Variants in PBRM1 observed in about 807,000 individuals in gnomAD.
PBRM1 encodes the protein protein polybromo-1.
In PBRM1, 27 loss-of-function variants were observed where a neutral mutation model predicts 194.5. The ratio of observed to expected loss-of-function variants is 0.14; its 90% CI spans 0.10 to 0.19. The LOEUF (loss-of-function observed/expected upper bound fraction) is 0.19. PBRM1 is among the 10% of genes least tolerant of loss of function. PBRM1 has a pLI of 1.00. For synonymous variants in PBRM1, 655 were observed against 693.2 expected (o/e 0.94, Z 0.87); for missense variants, 1,466 against 2,077.2 (o/e 0.71, Z 5.72).
At chr3:52,562,094 G>T in intron 24 of PBRM1, 126 bp from the exon 27 acceptor site, 1 of 696,906 alleles carries the variant, frequency 1.4e-6, no homozygotes, top group Non-Finnish European at 2.6e-6. Context: ...GGCCGAGACA[G>T]GTGGATCACA....
intron 27 of PBRM1, among the ~76,000 whole-genome samples, chr3:52,551,120 T>C (rs2080874168): frequency 6.6e-6 from 1 of 152,232 alleles, no homozygotes. Flanking sequence ...AGAATATACC[T>C]CTACATTCAA....
chr3:52,570,553 T>A (rs1234576279), intron 22 of PBRM1, among the ~76,000 whole-genome samples: 1 of 152,226 alleles, frequency 6.6e-6, no homozygotes, highest in East Asian at 1.9e-4. Flanking sequence ...TAAAAGTGAT[T>A]GGTGGCTTTG....
intron 17 of PBRM1, among the ~76,000 whole-genome samples, chr3:52,590,460 G>GA (rs796795493): frequency 0.042 from 5,778 of 137,948 alleles, 371 homozygotes; most frequent in African/African-American, 0.14. Context: ...CATTTCAAAA[G>GA]AAAAAAAAAA....
chr3:52,669,588 A>G (rs1039350164), intron 2 of PBRM1, among the ~76,000 whole-genome samples: 1 of 152,150 alleles, frequency 6.6e-6, no homozygotes, highest in Non-Finnish European at 1.5e-5. Context: ...TGTGTAAGAG[A>G]TAAGTTATTA....
chr3:52,640,468 G>C (rs2096029302), intron 10 of PBRM1, among the ~76,000 whole-genome samples: 1 of 151,730 alleles, frequency 6.6e-6, no homozygotes, highest in African/African-American at 2.4e-5. Flanking sequence ...ACAGCGTTTT[G>C]CCATGTTGCC....
intron 18 of PBRM1, among the ~76,000 whole-genome samples, chr3:52,588,380 T>A (rs1015883849): frequency 1.3e-5 from 2 of 151,428 alleles, no homozygotes; most frequent in African/African-American, 4.9e-5. Flanking sequence ...TATAATAATT[T>A]CTTTTTTGAT....
At chr3:52,663,115 T>C (rs1467194920) in intron 3 of PBRM1, among the ~76,000 whole-genome samples, 1 of 152,042 alleles carries the variant, frequency 6.6e-6, no homozygotes, top group Non-Finnish European at 1.5e-5. Context: ...GGGATGCCAA[T>C]AGGAAGTAAG....
intron 10 of PBRM1, among the ~76,000 whole-genome samples, chr3:52,636,654 G>C (rs1349341463): frequency 6.7e-6 from 1 of 149,004 alleles, no homozygotes; most frequent in Non-Finnish European, 1.5e-5. Context: ...CTACTCGGGA[G>C]GCTGAGGCAG....
At chr3:52,582,013 T>A (rs1418020789) in intron 20 of PBRM1, among the ~76,000 whole-genome samples, 2 of 151,668 alleles carry the variant, frequency 1.3e-5, no homozygotes, top group African/African-American at 4.8e-5. Context: ...GAAGGTGAGG[T>A]GGGTGGGTCA....
At chr3:52,586,525 C>T (rs141958485) in exon 20 of PBRM1, 2 of 1,613,854 alleles carry the variant, frequency 1.2e-6, no homozygotes, top group Non-Finnish European at 1.7e-6. Flanking sequence ...AGAGGCCACG[C>T]GAACCACAGG....
At chr3:52,547,875 A>T (rs1265818565), downstream of PBRM1, 1 of 496,764 alleles carries the variant, frequency 2.0e-6, no homozygotes, top group Non-Finnish European at 3.5e-6. Flanking sequence ...TGATAAAGTC[A>T]ACTTAATATA....
Position 52,619,038 on chromosome 3 carries a change from C to T in PBRM1, c.1542-1500G>A, listed in dbSNP as rs139674729. 2.4e-4 allele frequency among the ~76,000 whole-genome samples: 37 copies of T among 152,050 alleles called. No individual in the cohort carries two copies. In the Middle Eastern group the frequency reaches 0.01, roughly 42 times the overall value. ...TGCTGGGATTACAGACTTGAGCCAT[C>T]GGGCTCGGCTGTGCCCGGCTAATTT... On this transcript the variant is annotated intron_variant, in intron 13 of 29. Coordinates refer to ENST00000296302, the Ensembl canonical transcript of PBRM1.
chr3:52,611,201 C>T (rs1046523605), intron 15 of PBRM1, among the ~76,000 whole-genome samples: 1 of 152,140 alleles, frequency 6.6e-6, no homozygotes, highest in African/African-American at 2.4e-5. Context: ...AAAAAAAACA[C>T]TGTACCACTG....
chr3:52,663,312 T>C (rs774860432), intron 3 of PBRM1, among the ~76,000 whole-genome samples: 3 of 152,196 alleles, frequency 2.0e-5, no homozygotes, highest in African/African-American at 2.4e-5. Flanking sequence ...CCAAAGGCCA[T>C]GGCTGCACCA....
exon 25 of PBRM1, chr3:52,561,767 C>T (rs758454919): frequency 6.2e-7 from 1 of 1,613,448 alleles, no homozygotes; most frequent in Non-Finnish European, 8.5e-7. Flanking sequence ...CTCTATTTAC[C>T]TTCATATTCT....
intron 20 of PBRM1, among the ~76,000 whole-genome samples, chr3:52,583,185 G>A (rs1446680765): frequency 1.3e-5 from 2 of 151,330 alleles, no homozygotes; most frequent in East Asian, 1.9e-4. Flanking sequence ...CGAGGCAGGC[G>A]GATCATCAGA....
chr3:52,645,355 G>A (rs947395424), intron 7 of PBRM1, among the ~76,000 whole-genome samples: 1 of 149,694 alleles, frequency 6.7e-6, no homozygotes, highest in African/African-American at 2.5e-5. Context: ...TGGAGACAGA[G>A]TCTTACCATG....
At chr3:52,576,339 C>T (rs1050870331) in intron 22 of PBRM1, among the ~76,000 whole-genome samples, 1 of 152,010 alleles carries the variant, frequency 6.6e-6, no homozygotes, top group South Asian at 2.1e-4. Flanking sequence ...TTTGGTTGTG[C>T]CCTAATTACC....
chr3:52,630,371 A>G (rs1167712902), intron 11 of PBRM1, among the ~76,000 whole-genome samples: 2 of 152,186 alleles, frequency 1.3e-5, no homozygotes, highest in African/African-American at 4.8e-5. Context: ...TACACTGTAC[A>G]ATATAGTAGC....
Sources: allele counts gnomAD v4.1 joint callset (sites outside exome capture counted in the v4.1 genomes callset), GRCh38; gene constraint gnomAD v4.1.1; transcripts MANE v1.5; gene names NCBI Gene and HGNC (gene_info 2026-07-23, HGNC 2026-07-21).